Variants in MYOCD observed in about 807,000 individuals in gnomAD.
MYOCD encodes the protein myocardin.
A neutral mutation model predicts 96.1 loss-of-function variants in MYOCD; 32 were observed. The observed-to-expected ratio is 0.33, with a 90% confidence interval of 0.25 to 0.45. MYOCD has a LOEUF of 0.45. Among genes scored for constraint, MYOCD ranks in the 20% least tolerant of loss-of-function variants. The pLI is 1.00. For synonymous variants in MYOCD, 469 were observed against 469.0 expected (o/e 1.00, Z 0.00); for missense variants, 1,133 against 1,200.6 (o/e 0.94, Z 0.83).
chr17:12,744,556 AG>A, intron 8 of MYOCD, 120 bp downstream of exon 8: 1 of 1,356,814 alleles, frequency 7.4e-7, no homozygotes, highest in African/African-American at 1.5e-5. Context: ...TTCCTCATCC[AG>A]TATGTTTGGA....
chr17:12,692,066 G>A (rs1469863264), intron 1 of MYOCD, among the ~76,000 whole-genome samples: 3 of 152,202 alleles, frequency 2.0e-5, no homozygotes, highest in Non-Finnish European at 2.9e-5. Flanking sequence ...CTGACCTGTA[G>A]TGAATTAATG....
At chr17:12,670,617 C>A (rs1360069860) in intron 1 of MYOCD, among the ~76,000 whole-genome samples, 3 of 152,124 alleles carry the variant, frequency 2.0e-5, no homozygotes, top group Non-Finnish European at 4.4e-5. Context: ...TACAAGAGTA[C>A]CTTTCCCATG....
At chr17:12,735,880 C>T (rs1380772809) in intron 5 of MYOCD, among the ~76,000 whole-genome samples, 1 of 152,146 alleles carries the variant, frequency 6.6e-6, no homozygotes, top group Non-Finnish European at 1.5e-5. Context: ...GTTTCAAAAA[C>T]ATATGGGTTC....
Position 12,753,211 on chromosome 17 carries a change from G to C in MYOCD, c.1923G>C (p.Gly641=), listed in dbSNP as rs1350077948. Residue 641 remains glycine, a synonymous_variant, in exon 10 of 14, where the codon GGG becomes GGC. Transcript: ENST00000425538. ...GTTCCCCTCAGCATTCACCGCTGGG[G>C]GCTGTGAAAAGCCCACAGCACATCA... is the stretch of plus-strand genomic sequence containing the variant. ...PQCSPQHSPL[G]AVKSPQHISL... 2.3e-5 allele frequency: 37 copies of C among 1,613,894 alleles called. No homozygotes were observed. The highest frequency in any genetic ancestry group is 2.9e-5 in the Non-Finnish European group (34 of 1,180,000).
intron 8 of MYOCD, among the ~76,000 whole-genome samples, chr17:12,744,974 A>G (rs1338082798): frequency 2.0e-5 from 3 of 152,222 alleles, no homozygotes; most frequent in African/African-American, 7.2e-5. Context: ...CTATAAATCA[A>G]TGCCCTTGAT....
chr17:12,747,958 A>G (rs2032716114), intron 9 of MYOCD, among the ~76,000 whole-genome samples: 1 of 151,470 alleles, frequency 6.6e-6, no homozygotes, highest in Non-Finnish European at 1.5e-5. Context: ...AAGTCAAGAG[A>G]TCAAGACCAG....
chr17:12,768,915 A>G lies in MYOCD; in HGVS notation c.*5271A>G, dbSNP rs140588562. On this transcript the variant is annotated 3_prime_UTR_variant, in exon 14 of 14. Coordinates refer to ENST00000425538, the MANE Select transcript of MYOCD (RefSeq NM_001146312.3). ...TTTTTAAAAAAAAAAAAAAATGCAT[A>G]TATTTTTAAATAAAATGTTTATTTT... The G allele has an allele frequency of 6.6e-6, 1 of 151,660 alleles. No homozygotes were observed. The highest frequency in any genetic ancestry group is 1.5e-5 in the Non-Finnish European group (1 of 67,948). 9.4% of individuals were successfully genotyped at this position (151,660 alleles called of 1,614,324 possible). A position where few individuals can be genotyped will look rare whatever the true frequency, so the allele number is the denominator to read the frequency against.
intron 4 of MYOCD, among the ~76,000 whole-genome samples, chr17:12,722,072 T>C (rs754231291): frequency 3.3e-5 from 5 of 152,150 alleles, no homozygotes; most frequent in Non-Finnish European, 7.4e-5. Flanking sequence ...TCTGTAAATA[T>C]CTCACTTTCT....
At chr17:12,668,933 C>T (rs965067805) in intron 1 of MYOCD, among the ~76,000 whole-genome samples, 9 of 152,014 alleles carry the variant, frequency 5.9e-5, no homozygotes, top group Non-Finnish European at 4.4e-5. Context: ...GTTATTTAAT[C>T]GGTAAATGTT....
Position 12,765,416 on chromosome 17 carries a change from T to C in MYOCD, c.*1772T>C, listed in dbSNP as rs186391967. 46 of 152,194 alleles carry C rather than the reference T, an allele frequency of 3.0e-4. No homozygotes were observed. The highest frequency in any genetic ancestry group is 2.9e-3 in the Admixed American group (45 of 15,274). 9.4% of individuals were successfully genotyped at this position (152,194 alleles called of 1,614,324 possible). A position where few individuals can be genotyped will look rare whatever the true frequency, so the allele number is the denominator to read the frequency against. ...TTTTGATAAACCAAAGATTTAGAAG[T>C]CATTCCATTGTTAACTTGTAAAAAT... On this transcript the variant is annotated 3_prime_UTR_variant, in exon 14 of 14. Transcript: ENST00000425538.
chr17:12,763,439 C>T lies in MYOCD; in HGVS notation c.2756C>T (p.Ser919Phe). The T allele has an allele frequency of 6.2e-7, 1 of 1,613,812 alleles. No individual in the cohort carries two copies. The highest frequency in any genetic ancestry group is 8.5e-7 in the Non-Finnish European group (1 of 1,179,816). The change falls in exon 14 of 14, where the codon TCT becomes TTT. Residue 919 changes from serine to phenylalanine, a missense_variant. Ser to Phe is a radical substitution (Grantham distance 155). Transcript: ENST00000425538. ...LSPMQTQFSP[S>F]SVDSNGLQLS... Reference sequence around the variant, plus strand: ...CCAATGCAGACACAGTTTTCACCCTCTTCTGTGGACAGCAATGGGCTGCAG... The same window carrying T: ...CCAATGCAGACACAGTTTTCACCCTTTTCTGTGGACAGCAATGGGCTGCAG...
intron 1 of MYOCD, 98 bp downstream of exon 1, chr17:12,666,341 G>T (rs756834890): frequency 1.3e-4 from 117 of 929,372 alleles, no homozygotes; most frequent in Non-Finnish European, 1.9e-4. Context: ...AGCCTGCCAG[G>T]TCTACCTCAA....
intron 1 of MYOCD, among the ~76,000 whole-genome samples, chr17:12,691,997 A>G (rs2030472993): frequency 1.3e-5 from 2 of 152,180 alleles, no homozygotes; most frequent in South Asian, 4.1e-4. Context: ...CTTTCTTACT[A>G]GGAATTATCA....
At chr17:12,686,855 A>G (rs1465456855) in intron 1 of MYOCD, among the ~76,000 whole-genome samples, 1 of 152,160 alleles carries the variant, frequency 6.6e-6, no homozygotes, top group Non-Finnish European at 1.5e-5. Context: ...TGGATTTGAG[A>G]GCTTTCCAGT....
intron 10 of MYOCD, among the ~76,000 whole-genome samples, 174 bp from the exon 11 acceptor site, chr17:12,756,240 C>G (rs1486125045): frequency 6.6e-6 from 1 of 152,102 alleles, no homozygotes; most frequent in Non-Finnish European, 1.5e-5. Flanking sequence ...AGTTTCTGAG[C>G]AGTAGGTGAT....
chr17:12,763,722 TC>T lies in MYOCD; in HGVS notation c.*80del. The stretch of plus-strand genomic sequence containing the variant: ...GCACACAGCCATACATACTTTACTG[TC>T]CAAAAACAGAAGAAGAAGAAGAGAA... On this transcript the variant is annotated 3_prime_UTR_variant, in exon 14 of 14. Transcript: ENST00000425538. 8.2e-7 allele frequency: 1 copy of T among 1,220,456 alleles called. No individual in the cohort carries two copies. Among genetic ancestry groups the T allele is most frequent in the Non-Finnish European group, 1.1e-6 (1 of 878,556 alleles). The allele number at this position is 1,220,456 out of a possible 1,614,324, so 75.6% of individuals were successfully genotyped here.
intron 1 of MYOCD, among the ~76,000 whole-genome samples, chr17:12,687,120 C>T (rs1335625029): frequency 1.3e-5 from 2 of 152,092 alleles, no homozygotes; most frequent in Non-Finnish European, 2.9e-5. Context: ...AGAGTTTTAA[C>T]ATTTTGTGAG....
intron 1 of MYOCD, among the ~76,000 whole-genome samples, chr17:12,678,775 A>C (rs1910263021): frequency 6.6e-6 from 1 of 152,016 alleles, no homozygotes; most frequent in African/African-American, 2.4e-5. Context: ...GGCTCACTGC[A>C]AGCTCCACCT....
intron 4 of MYOCD, among the ~76,000 whole-genome samples, chr17:12,720,839 A>G (rs181662662): frequency 0.036 from 5,420 of 151,824 alleles, 225 homozygotes; most frequent in Admixed American, 0.11. Context: ...TGGCTAACAC[A>G]GTGAAACCCC....
Sources: gnomAD v4.1 joint callset for allele counts (sites outside exome capture counted in the v4.1 genomes callset) on GRCh38, gnomAD v4.1.1 for gene constraint, MANE v1.5 for transcripts, NCBI Gene and HGNC (gene_info 2026-07-23, HGNC 2026-07-21) for gene names.